Variants in ZNF112 observed in about 807,000 individuals in gnomAD.
ZNF112 encodes the protein zinc finger protein 112.
In ZNF112, 37 loss-of-function variants were observed where a neutral mutation model predicts 77.7. The ratio of observed to expected loss-of-function variants is 0.48; its 90% CI spans 0.37 to 0.63. The LOEUF is 0.63. Ranked by LOEUF, ZNF112 falls within the 20% of genes least tolerant of loss-of-function variation. The pLI, the probability that ZNF112 is intolerant of heterozygous loss-of-function variation, is 0.00. For missense variants in ZNF112, 950 were observed against 1,077.4 expected (o/e 0.88, Z 1.66); for synonymous variants, 333 against 363.6 (o/e 0.92, Z 0.96).
At chr19:44,335,136 T>C (rs1970342815) in intron 3 of ZNF112, among the ~76,000 whole-genome samples, 1 of 152,246 alleles carries the variant, frequency 6.6e-6, no homozygotes, top group Admixed American at 6.5e-5. Context: ...TGCATCAGCA[T>C]GCCTGGATGT....
intron 3 of ZNF112, among the ~76,000 whole-genome samples, chr19:44,331,212 A>G (rs949454110): frequency 6.6e-6 from 1 of 152,046 alleles, no homozygotes; most frequent in Admixed American, 6.6e-5. Context: ...AAAGACTGTG[A>G]CAGAATTCAA....
rs1164611369 is a variant in ZNF112 at position 44,328,402 on chromosome 19, A to G, written c.1755T>C (p.Ser585=). 1.2e-6 allele frequency: 2 copies of G among 1,613,954 alleles called. No homozygotes were observed. The highest frequency in any genetic ancestry group is 2.2e-5 in the South Asian group (2 of 91,080). ...GATGGCCTTGAAGGTATGAATTTCGACTGAACCCCTTCCCACATTCCTCAC... is the reference window on the plus strand; with the variant it reads ...GATGGCCTTGAAGGTATGAATTTCGGCTGAACCCCTTCCCACATTCCTCAC... The part of the protein sequence containing the change: ...YKCEECGKGF[S]RNSYLQGHQR... Residue 585 remains serine (S), a synonymous_variant, in exon 4 of 4, where the codon AGT becomes AGC. Transcript: ENST00000354340.
At chr19:44,347,772 T>C (rs941870228) in intron 1 of ZNF112, among the ~76,000 whole-genome samples, 4 of 152,106 alleles carry the variant, frequency 2.6e-5, no homozygotes, top group Admixed American at 1.3e-4. Context: ...CAGTCATGCA[T>C]ATTTTAAAGA....
chr19:44,329,113 T>C lies in ZNF112; in HGVS notation c.1044A>G (p.Thr348=), dbSNP rs760906173. Residue 348 remains threonine (T), a synonymous_variant, in exon 4 of 4, where the codon ACA becomes ACG. Transcript: ENST00000354340. ...TGTTGTGCCTATAGGACATCTCACC[T>C]GTGTGGATAAGTTCATAAGTGTTAA... ...SPLNTYELIH[T]GEMSYRHNIY... is the part of the protein sequence containing the mutation. The C allele has an allele frequency of 8.7e-6, 14 of 1,613,832 alleles. No individual in the cohort carries two copies. The highest frequency in any genetic ancestry group is 1.2e-5 in the Non-Finnish European group (14 of 1,179,994).
chr19:44,354,085 A>G (rs1246394509), intron 1 of ZNF112, among the ~76,000 whole-genome samples: 2 of 152,296 alleles, frequency 1.3e-5, no homozygotes, highest in East Asian at 3.9e-4. Flanking sequence ...TGTCAAGAGC[A>G]ATTTGCTGAG....
chr19:44,354,332 C>T lies in ZNF112; in HGVS notation c.-4+2294G>A, dbSNP rs187820868. Among the ~76,000 whole-genome samples, 4 of 151,976 alleles carry T rather than the reference C, an allele frequency of 2.6e-5. No individual in the cohort carries two copies. In the East Asian group the frequency reaches 7.7e-4, roughly 29 times the overall value. On this transcript the variant is annotated intron_variant, in intron 1 of 3. Transcript: ENST00000354340. ...CCTGTGTTGTAATAGAATTGTATACCAAAAATAACAAAATAGTCAATGTCA... is the reference window on the plus strand; with the variant it reads ...CCTGTGTTGTAATAGAATTGTATACTAAAAATAACAAAATAGTCAATGTCA...
At chr19:44,354,233 G>C (rs543194382) in intron 1 of ZNF112, among the ~76,000 whole-genome samples, 1 of 152,070 alleles carries the variant, frequency 6.6e-6, no homozygotes, top group East Asian at 1.9e-4. Context: ...AATTATGAGG[G>C]AAGACATGAG....
At chr19:44,331,739 G>A (rs1017375291) in intron 3 of ZNF112, among the ~76,000 whole-genome samples, 9 of 152,164 alleles carry the variant, frequency 5.9e-5, no homozygotes, top group African/African-American at 1.7e-4. Context: ...AATAAACATT[G>A]ATGAATAAAT....
intron 3 of ZNF112, among the ~76,000 whole-genome samples, chr19:44,335,850 C>T (rs1419055605): frequency 6.6e-6 from 1 of 152,220 alleles, no homozygotes; most frequent in Non-Finnish European, 1.5e-5. Context: ...CTTAGCTACA[C>T]AGTTGCGACG....
chr19:44,348,778 C>A (rs1970640845), intron 1 of ZNF112, among the ~76,000 whole-genome samples: 1 of 151,872 alleles, frequency 6.6e-6, no homozygotes, highest in African/African-American at 2.4e-5. Flanking sequence ...GTAAGAGATG[C>A]AGCTAAAGCA....
intron 1 of ZNF112, among the ~76,000 whole-genome samples, chr19:44,348,852 G>GA (rs1485132482): frequency 6.6e-6 from 1 of 151,770 alleles, no homozygotes; most frequent in Admixed American, 6.6e-5. Flanking sequence ...AAGGCAAACA[G>GA]AAAAAAAGGA....
chr19:44,365,408 T>C (rs1451211194), intron 1 of ZNF112, among the ~76,000 whole-genome samples: 1 of 152,078 alleles, frequency 6.6e-6, no homozygotes, highest in Non-Finnish European at 1.5e-5. Context: ...TGCAGTGAGC[T>C]GTGATCATGC....
intron 1 of ZNF112, among the ~76,000 whole-genome samples, chr19:44,365,896 T>C (rs918589531): frequency 3.3e-5 from 5 of 152,176 alleles, no homozygotes; most frequent in African/African-American, 1.2e-4. Flanking sequence ...CCAGCTGGGC[T>C]CAAGAATTAA....
At chr19:44,347,851 G>C (rs541909533) in intron 1 of ZNF112, among the ~76,000 whole-genome samples, 1 of 152,120 alleles carries the variant, frequency 6.6e-6, no homozygotes, top group Admixed American at 6.5e-5. Context: ...CATTTCTGAA[G>C]TTCCTAGTTT....
At chr19:44,350,209 A>T (rs1246912258) in intron 1 of ZNF112, among the ~76,000 whole-genome samples, 1 of 152,086 alleles carries the variant, frequency 6.6e-6, no homozygotes, top group Non-Finnish European at 1.5e-5. Context: ...ATCAGCAGGT[A>T]CTTTGCAGAG....
intron 1 of ZNF112, among the ~76,000 whole-genome samples, chr19:44,351,164 T>C (rs527933039): frequency 2.0e-5 from 3 of 152,084 alleles, no homozygotes; most frequent in Non-Finnish European, 4.4e-5. Context: ...CATGTCACTT[T>C]CTTCTAATTT....
Position 44,328,892 on chromosome 19 carries a change from G to A in ZNF112, c.1265C>T (p.Ser422Leu). The A allele has an allele frequency of 6.2e-7, 1 of 1,613,900 alleles. No individual in the cohort carries two copies. The highest frequency in any genetic ancestry group is 8.5e-7 in the Non-Finnish European group (1 of 1,179,950). The change falls in exon 4 of 4, where the codon TCA becomes TTA. Residue 422 changes from serine to leucine, a missense_variant. By Grantham distance (145) the Ser-to-Leu change is moderately radical. Transcript: ENST00000354340. ...AACCCTATGCTGAATGTCAAGATTT[G>A]AACTACAAATGAAACTCTTTCCATA... Reference protein sequence around the residue: ...IEYGKSFICSSNLDIQHRVHM... With the variant: ...IEYGKSFICSLNLDIQHRVHM...
rs779825136 is a variant in ZNF112, at chr19:44,329,366, T to A, written c.791A>T (p.Asp264Val). Reference sequence around the variant, plus strand: ...CTGCTGATGAACCTCAGAGCTGGAGTCATTACTGAAGGCTTTTCTATACCC... The same window carrying A: ...CTGCTGATGAACCTCAGAGCTGGAGACATTACTGAAGGCTTTTCTATACCC... ...CTGYRKAFSN[D>V]SSSEVHQQFH... Residue 264 changes from aspartate to valine, a missense_variant, in exon 4 of 4, where the codon GAC becomes GTC. Coordinates refer to ENST00000354340, the MANE Select transcript of ZNF112 (RefSeq NM_013380.4). 1.2e-6 allele frequency: 2 copies of A among 1,613,714 alleles called. No homozygotes were observed. Among genetic ancestry groups the A allele is most frequent in the Middle Eastern group, 3.3e-4 (2 of 6,058 alleles).
Position 44,329,266 on chromosome 19 carries a change from A to C in ZNF112, c.891T>G (p.Ile297Met). The C allele has an allele frequency of 6.2e-7, 1 of 1,613,940 alleles. No homozygotes were observed. Among genetic ancestry groups the C allele is most frequent in the Non-Finnish European group, 8.5e-7 (1 of 1,179,992 alleles). The change falls in exon 4 of 4, where the codon ATT (isoleucine) becomes ATG (methionine). Residue 297 changes from isoleucine to methionine, a missense_variant. Ile to Met is a conservative substitution (Grantham distance 10). Transcript: ENST00000354340. ...CATCTTCTCTCTCAATATTTTGATG[A>C]ATATGAAGAAGTGAACTATAATTAC... is the stretch of plus-strand genomic sequence containing the variant. Reference protein sequence around the residue: ...KGCNYSSLLHIHQNIEREDDI... With the variant: ...KGCNYSSLLHMHQNIEREDDI...
Sources: gnomAD v4.1 joint callset for allele counts (sites outside exome capture counted in the v4.1 genomes callset) on GRCh38, gnomAD v4.1.1 for gene constraint, MANE v1.5 for transcripts, NCBI Gene and HGNC (gene_info 2026-07-23, HGNC 2026-07-21) for gene names.